Variants in DNAH10 observed in about 807,000 individuals in gnomAD.
DNAH10 encodes the protein axonemal beta dynein heavy chain 10.
Under a neutral mutation model 506.6 loss-of-function variants are expected in DNAH10, and 348 were observed. The observed-to-expected ratio is 0.69, with a 90% CI of 0.63 to 0.75. The LOEUF is 0.75. Ranked by LOEUF, DNAH10 falls within the 30% of genes least tolerant of loss-of-function variation. The pLI, the probability that DNAH10 is intolerant of heterozygous loss-of-function variation, is 0.00. For synonymous variants in DNAH10, 2,059 were observed against 2,198.6 expected, an observed-to-expected ratio of 0.94 and a Z score of 1.78; for missense variants, 5,179 against 5,787.1, an observed-to-expected ratio of 0.89 and a Z score of 3.41.
At chr12:123,894,169 C>G (rs1318016299) in intron 53 of DNAH10, among the ~76,000 whole-genome samples, 1 of 147,298 alleles carries the variant, frequency 6.8e-6, no homozygotes, top group Non-Finnish European at 1.5e-5. Context: ...TAGGTCACTG[C>G]AGCCTCGACC....
intron 78 of DNAH10, 154 bp downstream of exon 78, chr12:123,934,920 G>A (rs1313432146): frequency 1.6e-5 from 16 of 1,019,368 alleles, no homozygotes; most frequent in Middle Eastern, 3.2e-4. Flanking sequence ...TAAAAGCTAC[G>A]GATAGCTGCT....
chr12:123,914,276 T>A (rs1364188694), intron 60 of DNAH10, 53 bp from the exon 61 acceptor site: 15 of 1,526,020 alleles, frequency 9.8e-6, no homozygotes. Flanking sequence ...ATGTTCCTTT[T>A]GGTTGTGGCC....
chr12:123,767,339 C>T (rs1957086632), intron 1 of DNAH10, among the ~76,000 whole-genome samples: 1 of 152,192 alleles, frequency 6.6e-6, no homozygotes, highest in South Asian at 2.1e-4. Context: ...TCTTATGCTT[C>T]TTGGTTATTT....
At chr12:123,837,934 A>G (rs1961350147) in intron 28 of DNAH10, among the ~76,000 whole-genome samples, 3 of 152,044 alleles carry the variant, frequency 2.0e-5, no homozygotes, top group Admixed American at 2.0e-4. Flanking sequence ...TTTATTGAAC[A>G]GTTTGACCTA....
intron 38 of DNAH10, 119 bp downstream of exon 38, chr12:123,859,387 T>C (rs933350739): frequency 3.0e-5 from 22 of 741,658 alleles, no homozygotes; most frequent in Non-Finnish European, 4.6e-5. Flanking sequence ...AAATTTGTAA[T>C]ACACACCCCT....
rs1566133099 is a variant in DNAH10 at position 123,935,324 on chromosome 12, T to G, written c.13624-11T>G. ...CTCCGTGGGGGCATCTCACCTGCCTTTCCCTTGCAGAATACTTTCCGGACC... is the reference window on the plus strand; with the variant it reads ...CTCCGTGGGGGCATCTCACCTGCCTGTCCCTTGCAGAATACTTTCCGGACC... On this transcript the variant is annotated splice_polypyrimidine_tract_variant and intron_variant, in intron 78 of 78. Transcript: ENST00000673944. 1 of 1,598,288 alleles carries G rather than the reference T, an allele frequency of 6.3e-7. No homozygotes were observed. Among genetic ancestry groups the G allele is most frequent in the Non-Finnish European group, 8.6e-7 (1 of 1,166,520 alleles).
At chr12:123,831,055 G>A (rs886865881) in intron 26 of DNAH10, among the ~76,000 whole-genome samples, 4 of 152,018 alleles carry the variant, frequency 2.6e-5, no homozygotes, top group African/African-American at 9.7e-5. Context: ...TAAATTTTTT[G>A]TTGTTCCCAA....
At chr12:123,764,606 A>G (rs530794478) in intron 1 of DNAH10, among the ~76,000 whole-genome samples, 69 of 152,272 alleles carry the variant, frequency 4.5e-4, no homozygotes, top group Non-Finnish European at 7.4e-4. Flanking sequence ...GTTTACTAGC[A>G]CGTGTTTAGC....
intron 59 of DNAH10, among the ~76,000 whole-genome samples, chr12:123,911,859 G>A (rs1437855640): frequency 5.3e-5 from 1 of 18,722 alleles, no homozygotes; most frequent in African/African-American, 2.4e-4. Flanking sequence ...TGTCCTGGGC[G>A]GTGTCTGTCC....
At position 123,879,354 on chromosome 12, in the gene DNAH10, G is replaced by C; in HGVS notation, c.8463G>C (p.Gln2821His). ...GGCTGATCAGTGAAACAGACAAGCAGCTGGTCAGTACATCCAATGCTTCTT... is the reference window on the plus strand; with the variant it reads ...GGCTGATCAGTGAAACAGACAAGCACCTGGTCAGTACATCCAATGCTTCTT... ...HDRLISETDK[Q>H]LVQQHIGSLV... Residue 2821 changes from glutamine to histidine, a missense_variant, in exon 49 of 79, where the codon CAG becomes CAC. Physicochemically the swap from Gln to His is conservative, Grantham distance 24. Coordinates refer to ENST00000673944, the MANE Select transcript of DNAH10 (RefSeq NM_001372106.1). The C allele has an allele frequency of 6.4e-7, 1 of 1,563,416 alleles. No individual in the cohort carries two copies. Among genetic ancestry groups the C allele is most frequent in the Non-Finnish European group, 8.7e-7 (1 of 1,153,346 alleles).
intron 54 of DNAH10, among the ~76,000 whole-genome samples, chr12:123,895,713 G>A (rs781657191): frequency 2.6e-5 from 4 of 152,184 alleles, no homozygotes; most frequent in Non-Finnish European, 4.4e-5. Flanking sequence ...AGGCGTATTT[G>A]CCGTTTCCAT....
intron 28 of DNAH10, among the ~76,000 whole-genome samples, chr12:123,837,709 G>C (rs1008555624): frequency 6.7e-6 from 1 of 149,434 alleles, no homozygotes; most frequent in African/African-American, 2.5e-5. Context: ...CAGGTAGCTG[G>C]GACTGCAGGT....
In DNAH10 at chr12:123,902,896, C is replaced by T; in HGVS notation, c.9641-43C>T. 2 of 1,544,800 alleles carry T rather than the reference C, an allele frequency of 1.3e-6. No individual in the cohort carries two copies. The highest frequency in any genetic ancestry group is 1.7e-6 in the Non-Finnish European group (2 of 1,144,210). The stretch of plus-strand genomic sequence containing the variant: ...CAGAGCCGGGGCCGCGAGTGCATCT[C>T]CTCTGAGCCCAAGCTTTACTCACCC... On this transcript the variant is annotated intron_variant, in intron 56 of 78. Transcript: ENST00000673944. This position sits in a 1 kb window ranked among gnomAD's most constrained non-coding sequence, Gnocchi z 4.5.
chr12:123,848,331 C>G (rs146626765), intron 33 of DNAH10, among the ~76,000 whole-genome samples: 1 of 152,174 alleles, frequency 6.6e-6, no homozygotes, highest in Non-Finnish European at 1.5e-5. Flanking sequence ...TGATAATGTA[C>G]GTGAGTAAAG....
In DNAH10 at chr12:123,873,586, G is replaced by A. The variant is rs767183013; in HGVS notation, c.7814G>A (p.Arg2605His). 1.1e-5 allele frequency: 18 copies of A among 1,612,896 alleles called. No homozygotes were observed. Among genetic ancestry groups the A allele is most frequent in the South Asian group, 8.8e-5 (8 of 90,880 alleles). ...NIVLMVNFSS[R>H]TTSMDIQRNL... Reference sequence around the variant, plus strand: ...GTGTTAATGGTCAACTTCTCCTCCCGCACCACGTCCATGGATATCCAAAGA... The same window carrying A: ...GTGTTAATGGTCAACTTCTCCTCCCACACCACGTCCATGGATATCCAAAGA... The change falls in exon 46 of 79, where the codon CGC becomes CAC. Residue 2605 changes from arginine (R) to histidine (H), a missense_variant. Arg to His is a conservative substitution (Grantham distance 29). Transcript: ENST00000673944.
chr12:123,909,036 T>G lies in DNAH10; in HGVS notation c.9816-225T>G, dbSNP rs115952081. Among the ~76,000 whole-genome samples, 2,697 of 152,272 alleles carry G rather than the reference T, an allele frequency of 0.018. 81 individuals carry two copies. Among genetic ancestry groups the G allele is most frequent in the African/African-American group, 0.061 (2,533 of 41,564 alleles). ...GTATTTTAATGCTGCCCCCGCACCA[T>G]TCCAGGCGCCTGGTCTGGAACCTGA... On this transcript the variant is annotated intron_variant, in intron 57 of 78. Transcript: ENST00000673944. The surrounding 1 kb of genome is among the most constrained non-coding windows in gnomAD (Gnocchi z 5.4).
At position 123,912,511 on chromosome 12, in the gene DNAH10, A is replaced by C. The variant is rs1372939357; in HGVS notation, c.10135-587A>C. Reference sequence around the variant, plus strand: ...TGTCCTGGGGGGGTCTGTCCTGGGCACTATAGGATGTTTAGCAGCATCTTC... The same window carrying C: ...TGTCCTGGGGGGGTCTGTCCTGGGCCCTATAGGATGTTTAGCAGCATCTTC... On this transcript the variant is annotated intron_variant, in intron 59 of 78. Coordinates refer to ENST00000673944, the MANE Select transcript of DNAH10 (RefSeq NM_001372106.1). 2.1e-5 allele frequency among the ~76,000 whole-genome samples: 3 copies of C among 141,890 alleles called. No individual in the cohort carries two copies. The Admixed American group carries it at 2.3e-4, about 11-fold the overall frequency. The allele number at this position is 141,890 out of a possible 152,430, so 93.1% of individuals were successfully genotyped here.
In DNAH10 at chr12:123,879,774, C is replaced by G; in HGVS notation, c.8607C>G (p.Asp2869Glu). The stretch of plus-strand genomic sequence containing the variant: ...CACGCATTTATGAAGACATCCAGGA[C>G]TACGAGGCGGCCAAGGCTCTGTTCC... ...GEPRIYEDIQDYEAAKALFQE... is the reference protein window; with the variant it reads ...GEPRIYEDIQEYEAAKALFQE... The change falls in exon 50 of 79, where the codon GAC (aspartate) becomes GAG (glutamate). Residue 2869 changes from aspartate (D) to glutamate (E), a missense_variant. By Grantham distance (45) the Asp-to-Glu change is conservative. Coordinates refer to ENST00000673944, the MANE Select transcript of DNAH10 (RefSeq NM_001372106.1). The G allele has an allele frequency of 6.2e-7, 1 of 1,614,026 alleles. No individual in the cohort carries two copies. Among genetic ancestry groups the G allele is most frequent in the Non-Finnish European group, 8.5e-7 (1 of 1,179,884 alleles).
chr12:123,813,143 T>C lies in DNAH10; in HGVS notation c.3145-21T>C, dbSNP rs764387203. Reference sequence around the variant, plus strand: ...ATAGATACTAAAATACTGTCTTTTCTCCTAATTCTTACTTTGCCAGCATTT... The same window carrying C: ...ATAGATACTAAAATACTGTCTTTTCCCCTAATTCTTACTTTGCCAGCATTT... On this transcript the variant is annotated intron_variant, in intron 19 of 78. Coordinates refer to ENST00000673944, the MANE Select transcript of DNAH10 (RefSeq NM_001372106.1). 8 of 1,573,812 alleles carry C rather than the reference T, an allele frequency of 5.1e-6. No individual in the cohort carries two copies. In the Admixed American group the frequency reaches 1.4e-4, roughly 28 times the overall value.
Sources: gnomAD v4.1 joint callset for allele counts (sites outside exome capture counted in the v4.1 genomes callset) on GRCh38, gnomAD v4.1.1 for gene constraint, Gnocchi (gnomAD v3.1) non-coding constraint, MANE v1.5 for transcripts, NCBI Gene and HGNC (gene_info 2026-07-23, HGNC 2026-07-21) for gene names.